The following LRRTM4 variants were observed in gnomAD, a reference collection of about 807,000 sequenced individuals.
LRRTM4 encodes the protein leucine-rich repeat transmembrane neuronal protein 4.
Under a neutral mutation model 47.6 loss-of-function variants are expected in LRRTM4, and 25 were observed. That is an observed-to-expected ratio of 0.53 (90% CI 0.38 to 0.73). LRRTM4 has a LOEUF of 0.73. Among genes scored for constraint, LRRTM4 ranks in the 30% least tolerant of loss-of-function variants. The pLI, the probability that LRRTM4 is intolerant of heterozygous loss-of-function variation, is 0.00. For missense variants in LRRTM4, 638 were observed against 713.4 expected (o/e 0.89, Z 1.20); for synonymous variants, 311 against 269.5 (o/e 1.15, Z -1.51).
intron 3 of LRRTM4, among the ~76,000 whole-genome samples, chr2:77,039,701 C>G (rs1678960482): frequency 6.6e-6 from 1 of 150,972 alleles, no homozygotes; most frequent in Non-Finnish European, 1.5e-5. Context: ...CAGATTAGAT[C>G]CTTACATTAG....
At chr2:76,814,505 TAAAA>T (rs955471409) in intron 3 of LRRTM4, among the ~76,000 whole-genome samples, 12 of 151,664 alleles carry the variant, frequency 7.9e-5, no homozygotes, top group African/African-American at 2.9e-4. Flanking sequence ...TCAAAAATAT[TAAAA>T]AAATAAATTA....
At chr2:77,457,002 G>GTATA (rs1240530754) in intron 3 of LRRTM4, among the ~76,000 whole-genome samples, 3 of 12,586 alleles carry the variant, frequency 2.4e-4, no homozygotes, top group Admixed American at 8.0e-4. Flanking sequence ...ATGTGTGTGT[G>GTATA]TGTATATATA....
At chr2:77,420,103 C>A (rs1360317500) in intron 3 of LRRTM4, among the ~76,000 whole-genome samples, 1 of 152,194 alleles carries the variant, frequency 6.6e-6, no homozygotes, top group Non-Finnish European at 1.5e-5. Context: ...TCTTAGCTCA[C>A]TCACATCATT....
At chr2:77,021,235 G>A (rs1355008834) in intron 3 of LRRTM4, among the ~76,000 whole-genome samples, 3 of 151,960 alleles carry the variant, frequency 2.0e-5, no homozygotes, top group Non-Finnish European at 2.9e-5. Flanking sequence ...GAACTATACA[G>A]ATAACAAGAC....
At chr2:76,953,434 T>C (rs946015318) in intron 3 of LRRTM4, among the ~76,000 whole-genome samples, 5 of 151,942 alleles carry the variant, frequency 3.3e-5, no homozygotes, top group Admixed American at 6.6e-5. Context: ...AGAGCACCTT[T>C]CCTAACGCAG....
chr2:77,406,240 C>T (rs1674177637), intron 3 of LRRTM4, among the ~76,000 whole-genome samples: 1 of 152,018 alleles, frequency 6.6e-6, no homozygotes, highest in South Asian at 2.1e-4. Context: ...ATCAAATTGA[C>T]ACAATTTATT....
chr2:77,357,138 A>C (rs938937182), intron 3 of LRRTM4, among the ~76,000 whole-genome samples: 3 of 152,170 alleles, frequency 2.0e-5, no homozygotes, highest in Admixed American at 2.0e-4. Flanking sequence ...AGTAGTCATG[A>C]CACTTATATT....
chr2:77,426,449 G>C (rs945501231), intron 3 of LRRTM4, among the ~76,000 whole-genome samples: 1 of 152,026 alleles, frequency 6.6e-6, no homozygotes, highest in Admixed American at 6.6e-5. Flanking sequence ...TTTCCTTTTA[G>C]AGTAGCACAA....
intron 3 of LRRTM4, among the ~76,000 whole-genome samples, chr2:76,997,844 C>T (rs1677256749): frequency 6.6e-6 from 1 of 151,906 alleles, no homozygotes; most frequent in Non-Finnish European, 1.5e-5. Context: ...GTTCCACCTC[C>T]AATCAGGTCA....
At chr2:77,254,878 T>A (rs1573150528) in intron 3 of LRRTM4, among the ~76,000 whole-genome samples, 6 of 127,498 alleles carry the variant, frequency 4.7e-5, no homozygotes, top group African/African-American at 5.8e-5. Context: ...AACAGAGAAA[T>A]AGGAAAGAGA....
At chr2:76,875,026 T>C (rs1328530819) in intron 3 of LRRTM4, among the ~76,000 whole-genome samples, 1 of 152,090 alleles carries the variant, frequency 6.6e-6, no homozygotes, top group Non-Finnish European at 1.5e-5. Flanking sequence ...TGTTTTACTA[T>C]GGGGGTGGCA....
chr2:77,256,169 A>G (rs1675759186), intron 3 of LRRTM4, among the ~76,000 whole-genome samples: 1 of 152,110 alleles, frequency 6.6e-6, no homozygotes, highest in African/African-American at 2.4e-5. Context: ...TAATTTGACA[A>G]CACAGGTAAA....
intron 3 of LRRTM4, among the ~76,000 whole-genome samples, chr2:77,053,100 A>G (rs1679493728): frequency 6.6e-6 from 1 of 152,202 alleles, no homozygotes; most frequent in African/African-American, 2.4e-5. Flanking sequence ...GGTGATAACT[A>G]CAACCTCACT....
intron 3 of LRRTM4, among the ~76,000 whole-genome samples, chr2:77,468,016 GTTTA>G (rs1028913811): frequency 1.6e-4 from 24 of 151,962 alleles, no homozygotes; most frequent in African/African-American, 5.1e-4. Flanking sequence ...ATGGATTTCT[GTTTA>G]TTTATTTTTG....
chr2:77,275,959 G>C (rs991865002), intron 3 of LRRTM4, among the ~76,000 whole-genome samples: 2 of 151,898 alleles, frequency 1.3e-5, no homozygotes, highest in Admixed American at 1.3e-4. Context: ...TCCTGTTTAG[G>C]CTTCAGGAAA....
intron 3 of LRRTM4, among the ~76,000 whole-genome samples, chr2:76,865,830 A>G (rs1672451003): frequency 6.6e-6 from 1 of 152,218 alleles, no homozygotes; most frequent in African/African-American, 2.4e-5. Context: ...AAGATGTATT[A>G]TGACTGTCAC....
intron 3 of LRRTM4, among the ~76,000 whole-genome samples, chr2:77,290,943 T>C (rs1558671020): frequency 6.6e-6 from 1 of 152,072 alleles, no homozygotes; most frequent in Non-Finnish European, 1.5e-5. Flanking sequence ...TTCAAGCATC[T>C]TCCAATCTCA....
At chr2:76,762,296 TTTG>T (rs1457470397) in intron 3 of LRRTM4, among the ~76,000 whole-genome samples, 2 of 152,194 alleles carry the variant, frequency 1.3e-5, no homozygotes, top group African/African-American at 2.4e-5. Flanking sequence ...CACGCTGTAC[TTTG>T]TTATTTTTCC....
intron 3 of LRRTM4, among the ~76,000 whole-genome samples, chr2:77,253,665 A>G (rs867524083): frequency 1.3e-5 from 2 of 152,260 alleles, no homozygotes; most frequent in Non-Finnish European, 2.9e-5. Context: ...AAATTGTCCA[A>G]CATAAATTTT....
Sources: gnomAD v4.1 joint callset for allele counts (sites outside exome capture counted in the v4.1 genomes callset) on GRCh38, gnomAD v4.1.1 for gene constraint, MANE v1.5 for transcripts, NCBI Gene and HGNC (gene_info 2026-07-23, HGNC 2026-07-21) for gene names.